Variants in NEDD4L observed in about 807,000 individuals in gnomAD.
NEDD4L encodes NEDD4 like E3 ubiquitin protein ligase.
NEDD4L carries 54 observed loss-of-function variants against 148.9 expected under a neutral mutation model. That is an observed-to-expected ratio of 0.36 (90% CI 0.29 to 0.45). NEDD4L has a LOEUF of 0.45. NEDD4L is among the 20% of genes least tolerant of loss of function. The pLI is 1.00. For missense variants in NEDD4L, 856 were observed against 1,233.8 expected (o/e 0.69, Z 4.59); for synonymous variants, 433 against 440.7 (o/e 0.98, Z 0.22).
intron 1 of NEDD4L, among the ~76,000 whole-genome samples, chr18:58,060,110 G>A (rs1244552783): frequency 6.7e-6 from 1 of 148,280 alleles, no homozygotes; most frequent in Non-Finnish European, 1.5e-5. Flanking sequence ...TGGTGTGTCC[G>A]GGAGTGCTTC....
intron 1 of NEDD4L, among the ~76,000 whole-genome samples, chr18:58,125,207 C>T (rs570873393): frequency 1.3e-5 from 2 of 152,298 alleles, no homozygotes; most frequent in South Asian, 4.2e-4. Context: ...CCTGTAATAA[C>T]CTATTTGTGA....
In NEDD4L at chr18:58,267,567, G is replaced by A. The variant is rs749661301; in HGVS notation, c.297+15513G>A. On this transcript the variant is annotated intron_variant, in intron 5 of 30. Coordinates refer to ENST00000400345, the MANE Select transcript of NEDD4L (RefSeq NM_001144967.3). ...TCCCTCCACACCCTTTGATTTCTCC[G>A]AATACCAGGAAAGATCATGGATTGT... is the stretch of plus-strand genomic sequence containing the variant. Among the ~76,000 whole-genome samples the A allele has an allele frequency of 4.6e-5, 7 of 151,842 alleles. 1 individual carries two copies. Among genetic ancestry groups the A allele is most frequent in the East Asian group, 1.9e-4 (1 of 5,192 alleles).
intron 1 of NEDD4L, among the ~76,000 whole-genome samples, chr18:58,137,157 C>T (rs1463122823): frequency 1.3e-5 from 2 of 152,116 alleles, no homozygotes; most frequent in African/African-American, 2.4e-5. Flanking sequence ...CCATGATGGG[C>T]GCAGGGTTTC....
intron 1 of NEDD4L, among the ~76,000 whole-genome samples, chr18:58,085,384 A>G (rs1375153477): frequency 1.3e-5 from 2 of 152,150 alleles, no homozygotes; most frequent in Non-Finnish European, 2.9e-5. Flanking sequence ...TAGGGGGGTC[A>G]TTCTGGGGGC....
At chr18:58,277,745 TTAAAA>T (rs1201190468) in intron 5 of NEDD4L, among the ~76,000 whole-genome samples, 2 of 152,372 alleles carry the variant, frequency 1.3e-5, no homozygotes, top group South Asian at 2.1e-4. Flanking sequence ...ATGTATCATA[TTAAAA>T]TAAAATAGCC....
chr18:58,270,330 A>G (rs1162363793), intron 5 of NEDD4L, among the ~76,000 whole-genome samples: 1 of 152,212 alleles, frequency 6.6e-6, no homozygotes, highest in Non-Finnish European at 1.5e-5. Flanking sequence ...GGCGCACAGA[A>G]GTGTGGTAGC....
Position 58,330,929 on chromosome 18 carries a change from TG to T in NEDD4L, c.990+16del, listed in dbSNP as rs1402946776. The stretch of plus-strand genomic sequence containing the variant: ...GCTCTTTGATTGTAAGTAGTGGCCT[TG>T]TTTGAAAGAAAAGCTGAGCAATGTT... On this transcript the variant is annotated intron_variant, in intron 11 of 30. Coordinates refer to ENST00000400345, the MANE Select transcript of NEDD4L (RefSeq NM_001144967.3). The T allele has an allele frequency of 1.7e-5, 27 of 1,610,838 alleles. No individual in the cohort carries two copies. Among genetic ancestry groups the T allele is most frequent in the Non-Finnish European group, 2.3e-5 (27 of 1,177,746 alleles).
In NEDD4L at chr18:58,396,673, G is replaced by C. The variant is rs1003292166; in HGVS notation, c.*404G>C. The C allele has an allele frequency of 6.6e-6, 1 of 150,714 alleles. No individual in the cohort carries two copies. Among genetic ancestry groups the C allele is most frequent in the African/African-American group, 2.5e-5 (1 of 40,628 alleles). The allele number at this position is 150,714 out of a possible 1,614,324, so 9.3% of individuals were successfully genotyped here. On this transcript the variant is annotated 3_prime_UTR_variant, in exon 31 of 31. Coordinates refer to ENST00000400345, the MANE Select transcript of NEDD4L (RefSeq NM_001144967.3). ...TAGACCGATTTTCAGATTTTATTTCGTTATGATTAAAGATGTCTCATGTAC... is the reference window on the plus strand; with the variant it reads ...TAGACCGATTTTCAGATTTTATTTCCTTATGATTAAAGATGTCTCATGTAC...
At chr18:58,069,490 C>T (rs2082764203) in intron 1 of NEDD4L, among the ~76,000 whole-genome samples, 1 of 152,188 alleles carries the variant, frequency 6.6e-6, no homozygotes, top group African/African-American at 2.4e-5. Context: ...AGGGATTCCC[C>T]TGGAAGAAAG....
At chr18:58,315,863 C>T (rs2058201830) in intron 5 of NEDD4L, 119 bp from the exon 6 acceptor site, 5 of 915,270 alleles carry the variant, frequency 5.5e-6, no homozygotes, top group African/African-American at 1.6e-5. Context: ...GCCTTCCGCC[C>T]TCCACATTCC....
At chr18:58,067,263 T>G (rs2082646105) in intron 1 of NEDD4L, among the ~76,000 whole-genome samples, 1 of 152,164 alleles carries the variant, frequency 6.6e-6, no homozygotes, top group African/African-American at 2.4e-5. Context: ...AAGTCCAAAT[T>G]CAAATACCAT....
chr18:58,044,502 G>T lies in NEDD4L; in HGVS notation c.-159G>T. Reference sequence around the variant, plus strand: ...CGGCAGCGTCCAGGGCGCGCTCTCGGGCACCCTCACCTGCCGGCGCCCGGC... The same window carrying T: ...CGGCAGCGTCCAGGGCGCGCTCTCGTGCACCCTCACCTGCCGGCGCCCGGC... On this transcript the variant is annotated 5_prime_UTR_variant, in exon 1 of 31. Coordinates refer to ENST00000400345, the MANE Select transcript of NEDD4L (RefSeq NM_001144967.3). 9.9e-7 allele frequency: 1 copy of T among 1,010,124 alleles called. No homozygotes were observed. The highest frequency in any genetic ancestry group is 1.3e-6 in the Non-Finnish European group (1 of 778,498). The allele number at this position is 1,010,124 out of a possible 1,614,324, so 62.6% of individuals were successfully genotyped here. A position where few individuals can be genotyped will look rare whatever the true frequency, so the allele number is the denominator to read the frequency against.
chr18:58,124,418 C>T (rs112707830), intron 1 of NEDD4L, among the ~76,000 whole-genome samples: 2,610 of 152,290 alleles, frequency 0.017, 29 homozygotes, highest in African/African-American at 0.026. Flanking sequence ...TGGTCTCCCT[C>T]TGGCTACTCC....
intron 1 of NEDD4L, among the ~76,000 whole-genome samples, chr18:58,067,857 G>A (rs76772732): frequency 6.6e-6 from 1 of 152,322 alleles, no homozygotes; most frequent in East Asian, 1.9e-4. Context: ...GGTGGCAGCG[G>A]GGAATGCAGG....
chr18:58,259,848 G>A (rs2094438003), intron 5 of NEDD4L, among the ~76,000 whole-genome samples: 1 of 152,192 alleles, frequency 6.6e-6, no homozygotes, highest in South Asian at 2.1e-4. Flanking sequence ...TACTTCACAG[G>A]AGTAGTGTAG....
At chr18:58,246,588 C>T (rs942881179) in intron 3 of NEDD4L, among the ~76,000 whole-genome samples, 2 of 152,156 alleles carry the variant, frequency 1.3e-5, no homozygotes, top group African/African-American at 4.8e-5. Flanking sequence ...CCTCAGCTTC[C>T]TGAGTAGCTG....
rs2081471876 is a variant in NEDD4L, at chr18:58,044,240, G to C, written c.-421G>C. ...GAGGGGGCGGAGAGAGCGGGGGCCC[G>C]GACGGCGCTAGCGAGGAGGCGGGCG... On this transcript the variant is annotated 5_prime_UTR_variant, in exon 1 of 31. Coordinates refer to ENST00000400345, the MANE Select transcript of NEDD4L (RefSeq NM_001144967.3). 6.6e-6 allele frequency: 1 copy of C among 150,578 alleles called. No individual in the cohort carries two copies. The highest frequency in any genetic ancestry group is 1.5e-5 in the Non-Finnish European group (1 of 67,432). 9.3% of individuals were successfully genotyped at this position (150,578 alleles called of 1,614,324 possible).
Position 58,330,819 on chromosome 18 carries a change from G to T in NEDD4L, c.895G>T (p.Gly299Ter). 1.2e-6 allele frequency: 2 copies of T among 1,613,890 alleles called. No individual in the cohort carries two copies. Among genetic ancestry groups the T allele is most frequent in the Non-Finnish European group, 1.7e-6 (2 of 1,179,840 alleles). ...LALPPPPASP[G>*]SRTSPQELSE... ...TCTGCCCCCACCACCGGCCTCCCCAGGATCTCGGACCAGCCCTCAGGAGCT... is the reference window on the plus strand; with the variant it reads ...TCTGCCCCCACCACCGGCCTCCCCATGATCTCGGACCAGCCCTCAGGAGCT... The change falls in exon 11 of 31, where the codon GGA becomes TGA. Residue 299 changes from glycine (G) to a stop codon, truncating the protein, a stop_gained. Transcript: ENST00000400345. LOFTEE classifies it high-confidence loss of function.
intron 5 of NEDD4L, among the ~76,000 whole-genome samples, chr18:58,299,403 A>T (rs956749741): frequency 6.6e-6 from 1 of 152,232 alleles, no homozygotes; most frequent in African/African-American, 2.4e-5. Context: ...AATAACATTG[A>T]TATATTTCTT....
Sources: allele counts gnomAD v4.1 joint callset (sites outside exome capture counted in the v4.1 genomes callset), GRCh38; gene constraint gnomAD v4.1.1; transcripts MANE v1.5; gene names NCBI Gene and HGNC (gene_info 2026-07-23, HGNC 2026-07-21).